GFRA1: variants seen among roughly 807,000 people sequenced by gnomAD.
GFRA1 encodes GDNF family receptor alpha-1.
A neutral mutation model predicts 51.6 loss-of-function variants in GFRA1; 16 were observed. That is an observed-to-expected ratio of 0.31 (90% confidence interval 0.21 to 0.47). The LOEUF (loss-of-function observed/expected upper bound fraction) is 0.47. GFRA1 is among the 20% of genes least tolerant of loss of function. The pLI is 1.00. For missense variants in GFRA1, 530 were observed against 594.3 expected (o/e 0.89, Z 1.13); for synonymous variants, 270 against 241.3 (o/e 1.12, Z -1.10).
chr10:116,271,141 G>A (rs1477639775), intron 2 of GFRA1, 26 bp from the exon 3 acceptor site: 1 of 1,580,174 alleles, frequency 6.3e-7, no homozygotes, highest in South Asian at 1.1e-5. Context: ...GAGGGAGCCT[G>A]AGTGCGGCGG....
At chr10:116,199,617 A>C (rs1964170642) in intron 5 of GFRA1, among the ~76,000 whole-genome samples, 1 of 152,212 alleles carries the variant, frequency 6.6e-6, no homozygotes, top group East Asian at 1.9e-4. Context: ...AATACATTTT[A>C]TTTCATATGC....
intron 4 of GFRA1, among the ~76,000 whole-genome samples, chr10:116,261,854 C>G (rs4421670): frequency 0.99 from 151,249 of 152,352 alleles, 75,085 homozygotes; most frequent in East Asian, 1. Flanking sequence ...CCACTGCCCT[C>G]AAATTACAAA....
chr10:116,187,975 G>A (rs748859105), intron 5 of GFRA1, among the ~76,000 whole-genome samples: 16 of 152,152 alleles, frequency 1.1e-4, no homozygotes, highest in Non-Finnish European at 1.9e-4. Context: ...GAGTGTAACT[G>A]GCAGATATGA....
intron 5 of GFRA1, among the ~76,000 whole-genome samples, chr10:116,207,725 T>C (rs376409129): frequency 6.6e-5 from 10 of 152,318 alleles, no homozygotes; most frequent in African/African-American, 2.4e-4. Context: ...ATTTTAATAA[T>C]GTCTTGATGA....
At chr10:116,103,294 C>G (rs1372162849) in intron 6 of GFRA1, among the ~76,000 whole-genome samples, 3 of 152,162 alleles carry the variant, frequency 2.0e-5, no homozygotes, top group Non-Finnish European at 2.9e-5. Flanking sequence ...TACTTCTATC[C>G]CTTCATATGT....
chr10:116,154,955 G>C (rs1959172100), intron 5 of GFRA1, among the ~76,000 whole-genome samples: 1 of 152,120 alleles, frequency 6.6e-6, no homozygotes, highest in Non-Finnish European at 1.5e-5. Context: ...CCCTGCTAGG[G>C]CTTCTTCAGA....
At chr10:116,188,336 G>A (rs1235139788) in intron 5 of GFRA1, among the ~76,000 whole-genome samples, 2 of 152,264 alleles carry the variant, frequency 1.3e-5, no homozygotes, top group East Asian at 3.9e-4. Context: ...TTAAAAAGGT[G>A]GGCAATAGTG....
At chr10:116,222,442 G>T (rs1436277323) in intron 4 of GFRA1, among the ~76,000 whole-genome samples, 1 of 151,946 alleles carries the variant, frequency 6.6e-6, no homozygotes, top group Non-Finnish European at 1.5e-5. Flanking sequence ...CAGGTGATCC[G>T]CCCCCTTCAG....
chr10:116,108,960 C>T (rs892532399), intron 6 of GFRA1, among the ~76,000 whole-genome samples: 1 of 152,222 alleles, frequency 6.6e-6, no homozygotes, highest in Admixed American at 6.5e-5. Flanking sequence ...GCTCAACACT[C>T]ATCACGGACA....
At chr10:116,245,472 G>C (rs1967789311) in intron 4 of GFRA1, among the ~76,000 whole-genome samples, 1 of 152,216 alleles carries the variant, frequency 6.6e-6, no homozygotes, top group Non-Finnish European at 1.5e-5. Context: ...TTTCCCTCAA[G>C]GCTAGTGGGA....
intron 9 of GFRA1, among the ~76,000 whole-genome samples, chr10:116,082,164 C>A (rs2133838760): frequency 6.6e-6 from 1 of 152,202 alleles, no homozygotes; most frequent in South Asian, 2.1e-4. Flanking sequence ...GTGGCGGGGA[C>A]CGTGGCAGCT....
chr10:116,228,426 C>G (rs147394932), intron 4 of GFRA1, among the ~76,000 whole-genome samples: 422 of 152,266 alleles, frequency 2.8e-3, no homozygotes, highest in African/African-American at 9.9e-3. Flanking sequence ...CAGACCAATG[C>G]CCCCTGCCCA....
chr10:116,153,617 T>C (rs1959142487), intron 5 of GFRA1, among the ~76,000 whole-genome samples: 1 of 152,162 alleles, frequency 6.6e-6, no homozygotes, highest in African/African-American at 2.4e-5. Flanking sequence ...AGTGTGGACA[T>C]AAACAATATA....
intron 6 of GFRA1, among the ~76,000 whole-genome samples, chr10:116,114,486 C>T (rs1398797718): frequency 3.9e-5 from 6 of 152,226 alleles, no homozygotes; most frequent in Non-Finnish European, 5.9e-5. Context: ...GGCATTTCCA[C>T]ATGACGTTTA....
At chr10:116,247,696 T>C (rs1019079743) in intron 4 of GFRA1, among the ~76,000 whole-genome samples, 2 of 152,190 alleles carry the variant, frequency 1.3e-5, no homozygotes, top group African/African-American at 4.8e-5. Flanking sequence ...CTGTGTCAAA[T>C]GTCTCAGCAG....
At position 116,077,550 on chromosome 10, in the gene GFRA1, C is replaced by T. The variant is rs112208059; in HGVS notation, c.1198-11924G>A. On this transcript the variant is annotated intron_variant, in intron 9 of 10. Transcript: ENST00000355422. ...AATTTTACAGCCAGCTATAAAATGC[C>T]GTATTATTAAACTATACTGAAGATG... Among the ~76,000 whole-genome samples the T allele has an allele frequency of 9.5e-3, 1,452 of 152,194 alleles. 24 individuals carry two copies. Among genetic ancestry groups the T allele is most frequent in the African/African-American group, 0.032 (1,314 of 41,522 alleles).
At chr10:116,105,987 C>T (rs747132539) in intron 6 of GFRA1, among the ~76,000 whole-genome samples, 31 of 152,124 alleles carry the variant, frequency 2.0e-4, no homozygotes, top group Non-Finnish European at 8.8e-5. Context: ...CGGATTTTCC[C>T]GGTAGGACCA....
At chr10:116,265,399 T>A (rs1969580808) in intron 4 of GFRA1, among the ~76,000 whole-genome samples, 1 of 152,180 alleles carries the variant, frequency 6.6e-6, no homozygotes, top group South Asian at 2.1e-4. Context: ...AAATCCAGTC[T>A]CCCAATCAAT....
intron 9 of GFRA1, among the ~76,000 whole-genome samples, chr10:116,068,454 C>T (rs757572478): frequency 3.3e-5 from 5 of 152,284 alleles, no homozygotes; most frequent in East Asian, 3.9e-4. Flanking sequence ...CAGAGTGTGT[C>T]GGCTGTCTAG....
Sources: allele counts gnomAD v4.1 joint callset (sites outside exome capture counted in the v4.1 genomes callset), GRCh38; gene constraint gnomAD v4.1.1; transcripts MANE v1.5; gene names NCBI Gene and HGNC (gene_info 2026-07-23, HGNC 2026-07-21).